The following CLCN5 variants were observed in gnomAD, a reference collection of about 807,000 sequenced individuals.
The protein encoded by CLCN5 is Cl-/H+ antiporter 5, also known as H(+)/Cl(-) exchange transporter 5.
Under a neutral mutation model 54.0 loss-of-function variants are expected in CLCN5, and 17 were observed. The ratio of observed to expected loss-of-function variants is 0.31; its 90% CI spans 0.22 to 0.47. The LOEUF is 0.47. CLCN5 is among the 20% of genes least tolerant of loss of function. CLCN5 has a pLI of 1.00. For synonymous variants in CLCN5, 222 were observed against 233.0 expected (o/e 0.95, Z 0.43); for missense variants, 448 against 646.7 (o/e 0.69, Z 3.33).
rs782396019 is a variant in CLCN5, at chrX:49,951,267, G to C, written c.16+25953G>C. Reference sequence around the variant, plus strand: ...GGGTGATATCTCATCCTTATATCATGTACATGAGACTAAAGGCTGAGGAAG... The same window carrying C: ...GGGTGATATCTCATCCTTATATCATCTACATGAGACTAAAGGCTGAGGAAG... On this transcript the variant is annotated intron_variant, in intron 3 of 14. Transcript: ENST00000376091. Among the ~76,000 whole-genome samples, 5 of 111,893 alleles carry C rather than the reference G, an allele frequency of 4.5e-5. 1 individual carries two copies. The highest frequency in any genetic ancestry group is 9.5e-5 in the Admixed American group (1 of 10,500).
chrX:50,002,867 A>G (rs782173965), intron 3 of CLCN5, among the ~76,000 whole-genome samples: 1 of 111,225 alleles, frequency 9.0e-6, no homozygotes, highest in Non-Finnish European at 1.9e-5. Context: ...AGGGATAATG[A>G]TCACCTCATG....
At chrX:49,959,744 T>C (rs782717778) in intron 3 of CLCN5, among the ~76,000 whole-genome samples, 4 of 111,517 alleles carry the variant, frequency 3.6e-5, no homozygotes, top group Middle Eastern at 4.6e-3. Context: ...CTATGAGACC[T>C]CTGGAACCTA....
chrX:50,069,267 A>G (rs1557191268), intron 4 of CLCN5, among the ~76,000 whole-genome samples: 2 of 111,940 alleles, frequency 1.8e-5, no homozygotes, highest in African/African-American at 6.5e-5. Flanking sequence ...TCATCACTGA[A>G]TCATACACTG....
At chrX:50,067,925 C>T (rs782408193) in intron 4 of CLCN5, 18 of 119,128 alleles carry the variant, frequency 1.5e-4, no homozygotes, top group African/African-American at 4.9e-4. Context: ...GAGGATGATG[C>T]GGTGCTCATG....
At chrX:50,013,150 C>T (rs782595638) in intron 3 of CLCN5, 66 of 255,893 alleles carry the variant, frequency 2.6e-4, no homozygotes, top group Non-Finnish European at 4.6e-4. Context: ...CTCAATCAAT[C>T]AATCAATCTC....
intron 3 of CLCN5, among the ~76,000 whole-genome samples, chrX:50,011,892 T>G (rs1930523293): frequency 9.0e-6 from 1 of 111,672 alleles, no homozygotes; most frequent in East Asian, 2.8e-4. Context: ...GGTACCTGGA[T>G]GCAAGTGCTG....
intron 3 of CLCN5, among the ~76,000 whole-genome samples, chrX:49,934,268 C>T (rs1366421504): frequency 9.0e-6 from 1 of 111,046 alleles, no homozygotes; most frequent in Non-Finnish European, 1.9e-5. Flanking sequence ...TGTTTTTTTT[C>T]CCCTTCTTCT....
rs1934177254 is a variant in CLCN5 at position 50,093,783 on chromosome X, G to A, written c.*1564G>A. 8.9e-6 allele frequency: 1 copy of A among 111,910 alleles called. No homozygotes were observed. The highest frequency in any genetic ancestry group is 2.8e-4 in the East Asian group (1 of 3,573). The allele number at this position is 111,910 out of a possible 1,213,427, so 9.2% of individuals were successfully genotyped here. On this transcript the variant is annotated 3_prime_UTR_variant, in exon 15 of 15. Coordinates refer to ENST00000376091, the MANE Select transcript of CLCN5 (RefSeq NM_001127898.4). Reference sequence around the variant, plus strand: ...CAAAAAAAAATAACTCCCAGGGCTAGTTAAATTGTAAACCAAGGCTCAGCA... The same window carrying A: ...CAAAAAAAAATAACTCCCAGGGCTAATTAAATTGTAAACCAAGGCTCAGCA...
rs1557193807 is a variant in CLCN5, at chrX:50,086,007, G to T, written c.961G>T (p.Val321Leu). The T allele has an allele frequency of 2.5e-6, 3 of 1,210,526 alleles. No homozygotes were observed. The highest frequency in any genetic ancestry group is 3.4e-6 in the Non-Finnish European group (3 of 894,135). Reference sequence around the variant, plus strand: ...CTTGTCGGCTGCAGCAGCAGCTGGTGTATCTGTAGCCTTTGGAGCACCTAT... The same window carrying T: ...CTTGTCGGCTGCAGCAGCAGCTGGTTTATCTGTAGCCTTTGGAGCACCTAT... ...EVLSAAAAAG[V>L]SVAFGAPIGG... Residue 321 changes from valine (V) to leucine (L), a missense_variant, in exon 10 of 15, where the codon GTA becomes TTA. Val to Leu is a conservative substitution (Grantham distance 32). Transcript: ENST00000376091.
chrX:49,974,174 CTT>C (rs1301207898), intron 3 of CLCN5, among the ~76,000 whole-genome samples: 1 of 112,213 alleles, frequency 8.9e-6, no homozygotes, highest in African/African-American at 3.2e-5. Context: ...TGTTTCCACT[CTT>C]TTGCTATTAT....
At chrX:49,951,825 A>G (rs1458803752) in intron 3 of CLCN5, among the ~76,000 whole-genome samples, 23 of 111,796 alleles carry the variant, frequency 2.1e-4, no homozygotes, top group African/African-American at 5.2e-4. Flanking sequence ...CACAAAATGG[A>G]GAGAGGTCAG....
chrX:50,034,750 T>C (rs1027974599), intron 3 of CLCN5, among the ~76,000 whole-genome samples: 1 of 111,125 alleles, frequency 9.0e-6, no homozygotes, highest in Non-Finnish European at 1.9e-5. Context: ...CACCATCCTG[T>C]CCACCCCCAC....
chrX:49,974,412 C>CT (rs200768955), intron 3 of CLCN5, among the ~76,000 whole-genome samples: 4,187 of 101,288 alleles, frequency 0.041, 223 homozygotes, highest in African/African-American at 0.14. Context: ...CTTTACTGGC[C>CT]TTTTTTTTTT....
intron 3 of CLCN5, among the ~76,000 whole-genome samples, chrX:49,996,920 T>C (rs997837260): frequency 8.9e-6 from 1 of 111,851 alleles, no homozygotes; most frequent in Non-Finnish European, 1.9e-5. Context: ...TTATATATTC[T>C]CCTTAGCTTC....
Position 49,989,781 on chromosome X carries a change from T to C in CLCN5, c.17-52535T>C, listed in dbSNP as rs151194012. On this transcript the variant is annotated intron_variant, in intron 3 of 14. Coordinates refer to ENST00000376091, the MANE Select transcript of CLCN5 (RefSeq NM_001127898.4). ...GTGTCACATGTTGAGAATGTGAAAC[T>C]TTAAAAATTGTTTTCTGTTTACCCC... Among the ~76,000 whole-genome samples the C allele has an allele frequency of 2.5e-3, 276 of 112,262 alleles. 1 individual carries two copies. The highest frequency in any genetic ancestry group is 7.4e-3 in the African/African-American group (229 of 30,895).
intron 3 of CLCN5, among the ~76,000 whole-genome samples, chrX:49,996,131 A>G (rs1557179625): frequency 1.8e-5 from 2 of 112,084 alleles, no homozygotes; most frequent in African/African-American, 3.2e-5. Flanking sequence ...AGATTGTTCA[A>G]AGTGTCCCTT....
chrX:50,045,819 TC>T (rs1932372911), intron 4 of CLCN5, among the ~76,000 whole-genome samples: 1 of 112,280 alleles, frequency 8.9e-6, no homozygotes, highest in Non-Finnish European at 1.9e-5. Context: ...TGCTTTGCTT[TC>T]TAATTGCTCT....
intron 3 of CLCN5, among the ~76,000 whole-genome samples, chrX:49,994,782 A>G (rs1174326180): frequency 5.4e-5 from 6 of 111,906 alleles, no homozygotes; most frequent in Admixed American, 2.9e-4. Context: ...CTTAACAGAT[A>G]TACAGCAGGT....
chrX:50,018,523 T>C (rs1313648328), intron 3 of CLCN5, among the ~76,000 whole-genome samples: 17 of 112,269 alleles, frequency 1.5e-4, no homozygotes, highest in African/African-American at 5.2e-4. Flanking sequence ...AGAAGGGATA[T>C]CCTTGCTTTT....
Sources: gnomAD v4.1 joint callset for allele counts (sites outside exome capture counted in the v4.1 genomes callset) on GRCh38, gnomAD v4.1.1 for gene constraint, MANE v1.5 for transcripts, NCBI Gene and HGNC (gene_info 2026-07-23, HGNC 2026-07-21) for gene names.